The following NECTIN1 variants were observed in gnomAD, a reference collection of about 807,000 sequenced individuals.
NECTIN1 encodes the protein nectin-1.
Under a neutral mutation model 48.0 loss-of-function variants are expected in NECTIN1, and 23 were observed. The ratio of observed to expected loss-of-function variants is 0.48; its 90% CI spans 0.34 to 0.68. The LOEUF (loss-of-function observed/expected upper bound fraction) is 0.68, where lower values mean the gene tolerates loss of function less well. NECTIN1 is among the 30% of genes least tolerant of loss of function. The probability of loss-of-function intolerance (pLI) is 0.01; values close to 1 mark genes in which losing one functional copy is unlikely to be tolerated. For missense variants in NECTIN1, 591 were observed against 709.9 expected, an observed-to-expected ratio of 0.83 and a Z score of 1.90; for synonymous variants, 270 against 288.9, an observed-to-expected ratio of 0.93 and a Z score of 0.66.
At chr11:119,654,244 TATTC>T (rs1315218603) in intron 5 of NECTIN1, 80 of 134,304 alleles carry the variant, frequency 6.0e-4, no homozygotes, top group Non-Finnish European at 1.0e-3. Context: ...CCCATCTGAA[TATTC>T]ATCCATCCAT....
chr11:119,722,159 T>C lies in NECTIN1; in HGVS notation c.79+6316A>G, dbSNP rs1205331185. Among the ~76,000 whole-genome samples the C allele has an allele frequency of 2.6e-5, 4 of 152,304 alleles. No individual in the cohort carries two copies. The East Asian group carries it at 5.8e-4, about 22-fold the overall frequency. ...ACAAGAGCATAAGACGGTCAGCAAA[T>C]TACTAAACCTAGGTCTTACTCTCCT... is the stretch of plus-strand genomic sequence containing the variant. On this transcript the variant is annotated intron_variant, in intron 1 of 5. Coordinates refer to ENST00000264025, the MANE Select transcript of NECTIN1 (RefSeq NM_002855.5).
intron 1 of NECTIN1, among the ~76,000 whole-genome samples, chr11:119,690,676 G>A (rs1240154338): frequency 1.3e-5 from 2 of 152,224 alleles, no homozygotes; most frequent in Non-Finnish European, 2.9e-5. Flanking sequence ...TCCCTTGGCT[G>A]ATGAGAGAAC....
Position 119,704,705 on chromosome 11 carries a change from C to T in NECTIN1, c.79+23770G>A, listed in dbSNP as rs928633761. Among the ~76,000 whole-genome samples, 7 of 152,220 alleles carry T rather than the reference C, an allele frequency of 4.6e-5. No individual in the cohort carries two copies. In the East Asian group the frequency reaches 5.8e-4, roughly 13 times the overall value. ...GCTCAGAATGAGTCTCCATCTCCTC[C>T]GTGGGGTATGAAGCAGGCCTTGGTG... On this transcript the variant is annotated intron_variant, in intron 1 of 5. Transcript: ENST00000264025.
intron 7 of NECTIN1, among the ~76,000 whole-genome samples, chr11:119,638,457 A>C (rs1864270318): frequency 6.6e-6 from 1 of 152,108 alleles, no homozygotes; most frequent in South Asian, 2.1e-4. Context: ...GGGGCCAGGC[A>C]CCTGAGAGGT....
downstream of NECTIN1, among the ~76,000 whole-genome samples, chr11:119,660,365 CCTT>C (rs761834424): frequency 6.6e-6 from 1 of 151,906 alleles, no homozygotes; most frequent in Non-Finnish European, 1.5e-5. Flanking sequence ...AACAAGAAGA[CCTT>C]CTCTCCAAAC....
At chr11:119,716,591 A>G (rs1431934723) in intron 1 of NECTIN1, among the ~76,000 whole-genome samples, 1 of 152,212 alleles carries the variant, frequency 6.6e-6, no homozygotes, top group African/African-American at 2.4e-5. Flanking sequence ...TCTTGGGGAA[A>G]AATAGTCAAA....
intron 5 of NECTIN1, chr11:119,653,969 G>C (rs1299004876): frequency 6.6e-6 from 1 of 152,194 alleles, no homozygotes; most frequent in Non-Finnish European, 1.5e-5. Flanking sequence ...GGTGGAACAA[G>C]GGATTGATCA....
chr11:119,670,445 AG>A (rs1864846390), intron 5 of NECTIN1, among the ~76,000 whole-genome samples: 1 of 152,136 alleles, frequency 6.6e-6, no homozygotes, highest in African/African-American at 2.4e-5. Flanking sequence ...TACAATGGCA[AG>A]ATTATGTCTT....
chr11:119,728,511 C>A lies in NECTIN1; in HGVS notation c.43G>T (p.Gly15Ter). Residue 15 changes from glycine (G) to a stop codon, truncating the protein, a stop_gained, in exon 1 of 6, where the codon GGA (glycine) becomes TGA (stop). Coordinates refer to ENST00000264025, the MANE Select transcript of NECTIN1 (RefSeq NM_002855.5). LOFTEE classifies it high-confidence loss of function. ...AATGCGGTCAAGCCGAGAGCGAGTC[C>A]CCACCAGCGTCCAGCGGCGCCCGCA... Reference protein sequence around the residue: ...GLAGAAGRWWGLALGLTAFFL... With the variant: ...GLAGAAGRWW 1 of 1,598,570 alleles carries A rather than the reference C, an allele frequency of 6.3e-7. No individual in the cohort carries two copies. The highest frequency in any genetic ancestry group is 2.3e-5 in the East Asian group (1 of 43,490).
In NECTIN1 at chr11:119,710,940, G is replaced by A. The variant is rs767013012; in HGVS notation, c.79+17535C>T. ...CCTTCCTGGTGCTGATAAATATTGA[G>A]CAAATGGAAAAAAGATGATTTTGTT... On this transcript the variant is annotated intron_variant, in intron 1 of 5. Transcript: ENST00000264025. 1.5e-4 allele frequency among the ~76,000 whole-genome samples: 23 copies of A among 151,770 alleles called. 1 individual carries two copies. The highest frequency in any genetic ancestry group is 2.8e-4 in the Non-Finnish European group (19 of 67,998).
At chr11:119,702,229 G>A (rs957298675) in intron 1 of NECTIN1, among the ~76,000 whole-genome samples, 3 of 152,208 alleles carry the variant, frequency 2.0e-5, no homozygotes, top group African/African-American at 7.2e-5. Context: ...CAGCAGCTCT[G>A]AGCAACCAAG....
At chr11:119,660,587 A>G (rs975789305), downstream of NECTIN1, among the ~76,000 whole-genome samples, 2 of 152,260 alleles carry the variant, frequency 1.3e-5, no homozygotes, top group Middle Eastern at 3.4e-3. Flanking sequence ...TGGCAGGAAC[A>G]GGACAGCAGG....
In NECTIN1 at chr11:119,663,901, C is replaced by T. The variant is rs1864713035; in HGVS notation, c.*846G>A. 1.0e-6 allele frequency: 1 copy of T among 986,574 alleles called. No homozygotes were observed. Among genetic ancestry groups the T allele is most frequent in the African/African-American group, 1.7e-5 (1 of 57,322 alleles). 61.1% of individuals were successfully genotyped at this position (986,574 alleles called of 1,614,324 possible). On this transcript the variant is annotated 3_prime_UTR_variant, in exon 6 of 6. Coordinates refer to ENST00000264025, the MANE Select transcript of NECTIN1 (RefSeq NM_002855.5). ...GGCCTTGGGCAGTGTCTGGATGGGG[C>T]AGGGCATGGGACTCCAGGGGAAAGC...
Position 119,728,570 on chromosome 11 carries a change from G to T in NECTIN1, c.-17C>A. ...CCGAGCCATCGGGGGCCGGGGGTCC[G>T]GCGAGAGGGGCGGCGAGGGCAGCGC... On this transcript the variant is annotated 5_prime_UTR_variant, in exon 1 of 6. Coordinates refer to ENST00000264025, the MANE Select transcript of NECTIN1 (RefSeq NM_002855.5). The T allele has an allele frequency of 6.5e-7, 1 of 1,549,130 alleles. No homozygotes were observed. Among genetic ancestry groups the T allele is most frequent in the Non-Finnish European group, 8.8e-7 (1 of 1,141,578 alleles).
At chr11:119,639,865 C>T (rs762467761) in exon 6 of NECTIN1, 1 of 1,614,084 alleles carries the variant, frequency 6.2e-7, no homozygotes, top group African/African-American at 1.3e-5. Context: ...CCTGGCTCAC[C>T]CGGCCCCATC....
intron 5 of NECTIN1, chr11:119,654,360 A>T (rs1864537433): frequency 6.6e-6 from 1 of 152,020 alleles, no homozygotes; most frequent in African/African-American, 2.4e-5. Flanking sequence ...TCTGTGTCCC[A>T]TGCCAACCTC....
chr11:119,674,229 C>G (rs1038841374), intron 5 of NECTIN1, among the ~76,000 whole-genome samples: 2 of 152,156 alleles, frequency 1.3e-5, no homozygotes, highest in African/African-American at 2.4e-5. Flanking sequence ...AGTGGGACAC[C>G]ACTTCCTTTT....
chr11:119,661,885 G>A lies in NECTIN1; in HGVS notation c.*2862C>T, dbSNP rs1864672814. ...CTGCGCGTGGGTGTGTTGGAGGTGTGAGTGTGTCCACTGTGGGCACACGTA... is the reference window on the plus strand; with the variant it reads ...CTGCGCGTGGGTGTGTTGGAGGTGTAAGTGTGTCCACTGTGGGCACACGTA... On this transcript the variant is annotated 3_prime_UTR_variant, in exon 6 of 6. Coordinates refer to ENST00000264025, the MANE Select transcript of NECTIN1 (RefSeq NM_002855.5). The A allele has an allele frequency of 1.0e-6, 1 of 985,318 alleles. No individual in the cohort carries two copies. Among genetic ancestry groups the A allele is most frequent in the Non-Finnish European group, 1.2e-6 (1 of 829,912 alleles). 61.0% of individuals were successfully genotyped at this position (985,318 alleles called of 1,614,324 possible).
chr11:119,719,043 T>C (rs1407254213), intron 1 of NECTIN1, among the ~76,000 whole-genome samples: 1 of 152,216 alleles, frequency 6.6e-6, no homozygotes, highest in East Asian at 1.9e-4. Flanking sequence ...GATGAAATAA[T>C]GTTTTGACTG....
Sources: gnomAD v4.1 joint callset for allele counts (sites outside exome capture counted in the v4.1 genomes callset) on GRCh38, gnomAD v4.1.1 for gene constraint, MANE v1.5 for transcripts, NCBI Gene and HGNC (gene_info 2026-07-23, HGNC 2026-07-21) for gene names.